The following SIPA1L1 variants were observed in gnomAD, a reference collection of about 807,000 sequenced individuals.
SIPA1L1 encodes signal-induced proliferation-associated 1-like protein 1.
In SIPA1L1, 26 loss-of-function variants were observed where a neutral mutation model predicts 162.7. The ratio of observed to expected loss-of-function variants is 0.16; its 90% confidence interval spans 0.12 to 0.22. The LOEUF is 0.22. Ranked by LOEUF, SIPA1L1 falls within the 10% of genes least tolerant of loss-of-function variation. The pLI is 1.00. For synonymous variants in SIPA1L1, 829 were observed against 837.4 expected, an observed-to-expected ratio of 0.99 and a Z score of 0.17; for missense variants, 1,874 against 2,241.0, an observed-to-expected ratio of 0.84 and a Z score of 3.31.
intron 5 of SIPA1L1, among the ~76,000 whole-genome samples, chr14:71,596,769 T>C (rs116859438): frequency 1.9e-3 from 295 of 152,324 alleles, no homozygotes; most frequent in Non-Finnish European, 3.1e-3. Flanking sequence ...GCTTCCTTTG[T>C]TGGAACTCTG....
intron 2 of SIPA1L1, among the ~76,000 whole-genome samples, chr14:71,389,114 A>G (rs2040559658): frequency 6.6e-6 from 1 of 152,132 alleles, no homozygotes; most frequent in Non-Finnish European, 1.5e-5. Flanking sequence ...GAATCACCAA[A>G]GATTTGTTTG....
intron 17 of SIPA1L1, among the ~76,000 whole-genome samples, chr14:71,711,503 T>C (rs1345897304): frequency 6.6e-6 from 1 of 152,244 alleles, no homozygotes; most frequent in Non-Finnish European, 1.5e-5. Context: ...TTTTTAAGAA[T>C]GTCTTCCATC....
chr14:71,494,852 G>A (rs971601172), intron 2 of SIPA1L1, among the ~76,000 whole-genome samples: 2 of 152,060 alleles, frequency 1.3e-5, no homozygotes, highest in Admixed American at 1.3e-4. Context: ...GTTTAGTCAG[G>A]CTGGTCTCAA....
chr14:71,448,060 C>G (rs1422496603), intron 2 of SIPA1L1, among the ~76,000 whole-genome samples: 1 of 152,086 alleles, frequency 6.6e-6, no homozygotes. Context: ...CAGAACAGTC[C>G]TGTGAGGAGG....
At chr14:71,482,053 T>C (rs1286158506) in intron 2 of SIPA1L1, among the ~76,000 whole-genome samples, 2 of 152,188 alleles carry the variant, frequency 1.3e-5, no homozygotes, top group Admixed American at 1.3e-4. Context: ...TTTACCATGC[T>C]TTTGTTACTT....
chr14:71,652,951 G>A (rs1421018526), intron 8 of SIPA1L1, among the ~76,000 whole-genome samples: 1 of 151,634 alleles, frequency 6.6e-6, no homozygotes, highest in Non-Finnish European at 1.5e-5. Flanking sequence ...TTTTTTTAAT[G>A]GGGTTCCTTT....
chr14:71,564,149 A>G (rs141333228), intron 4 of SIPA1L1, among the ~76,000 whole-genome samples: 24 of 151,930 alleles, frequency 1.6e-4, no homozygotes, highest in African/African-American at 4.6e-4. Flanking sequence ...GAGTCTTGCT[A>G]TGTTTTCTAG....
At chr14:71,463,706 G>A (rs1313049505) in intron 2 of SIPA1L1, among the ~76,000 whole-genome samples, 1 of 152,080 alleles carries the variant, frequency 6.6e-6, no homozygotes, top group Non-Finnish European at 1.5e-5. Context: ...TTGATTGAGG[G>A]GCCATGATTC....
chr14:71,399,135 C>G (rs538261721), intron 2 of SIPA1L1, among the ~76,000 whole-genome samples: 1 of 151,688 alleles, frequency 6.6e-6, no homozygotes, highest in Non-Finnish European at 1.5e-5. Context: ...CACTATGATG[C>G]TCATAACATG....
At chr14:71,474,718 C>A (rs554259302) in intron 2 of SIPA1L1, among the ~76,000 whole-genome samples, 1 of 152,316 alleles carries the variant, frequency 6.6e-6, no homozygotes, top group African/African-American at 2.4e-5. Flanking sequence ...AGAATCCCTC[C>A]CCTGATTGGT....
At chr14:71,567,541 G>A (rs1267199155) in intron 4 of SIPA1L1, among the ~76,000 whole-genome samples, 1 of 152,130 alleles carries the variant, frequency 6.6e-6, no homozygotes, top group Non-Finnish European at 1.5e-5. Context: ...CAGCAGCATG[G>A]GCTGCTCAAT....
chr14:71,668,310 G>T (rs780010695), intron 10 of SIPA1L1, among the ~76,000 whole-genome samples: 1 of 152,116 alleles, frequency 6.6e-6, no homozygotes, highest in Non-Finnish European at 1.5e-5. Context: ...GCTTGTCGTG[G>T]AGCACTCTCT....
chr14:71,514,981 T>A (rs17111585), intron 3 of SIPA1L1, among the ~76,000 whole-genome samples: 18,734 of 152,196 alleles, frequency 0.12, 1,568 homozygotes, highest in East Asian at 0.41. Flanking sequence ...CAGGAGAGCA[T>A]GTATGGTGAT....
chr14:71,462,721 G>C (rs923511614), intron 2 of SIPA1L1, among the ~76,000 whole-genome samples: 5 of 152,264 alleles, frequency 3.3e-5, no homozygotes, highest in East Asian at 1.9e-4. Flanking sequence ...TTGCTCACTA[G>C]ATCCACTCAG....
chr14:71,417,055 T>A (rs1218008859), intron 2 of SIPA1L1, among the ~76,000 whole-genome samples: 1 of 152,112 alleles, frequency 6.6e-6, no homozygotes, highest in Non-Finnish European at 1.5e-5. Context: ...CTGGCCTGCA[T>A]GTAACTTTCG....
rs1473961422 is a variant in SIPA1L1, at chr14:71,382,135, T to A, written c.-465+60954T>A. On this transcript the variant is annotated intron_variant, in intron 2 of 23. Transcript: ENST00000381232. ...TGCTAATTAAAGTTTAGAATTTTAATCAAGTAATACTTAGCAATAATTATG... is the reference window on the plus strand; with the variant it reads ...TGCTAATTAAAGTTTAGAATTTTAAACAAGTAATACTTAGCAATAATTATG... 2.6e-5 allele frequency among the ~76,000 whole-genome samples: 4 copies of A among 152,206 alleles called. No homozygotes were observed. In the East Asian group the frequency reaches 7.7e-4, roughly 29 times the overall value.
intron 12 of SIPA1L1, among the ~76,000 whole-genome samples, chr14:71,674,452 C>T (rs1259521188): frequency 6.6e-6 from 1 of 151,818 alleles, no homozygotes; most frequent in Non-Finnish European, 1.5e-5. Context: ...AGTTTTTTAC[C>T]TTAATATGCC....
chr14:71,466,309 T>A (rs968993114), intron 2 of SIPA1L1, among the ~76,000 whole-genome samples: 1 of 152,182 alleles, frequency 6.6e-6, no homozygotes, highest in African/African-American at 2.4e-5. Context: ...TTGTTTATTT[T>A]TGGCAGAGCA....
intron 12 of SIPA1L1, 47 bp downstream of exon 12, chr14:71,672,669 T>C: frequency 6.3e-7 from 1 of 1,588,412 alleles, no homozygotes; most frequent in African/African-American, 1.3e-5. Flanking sequence ...AGTGCAGGGT[T>C]TGTGTACCAT....
Sources: allele counts gnomAD v4.1 joint callset (sites outside exome capture counted in the v4.1 genomes callset), GRCh38; gene constraint gnomAD v4.1.1; transcripts MANE v1.5; gene names NCBI Gene and HGNC (gene_info 2026-07-23, HGNC 2026-07-21).